ZFYVE1: variants seen among roughly 807,000 people sequenced by gnomAD.
ZFYVE1 encodes the protein zinc finger FYVE domain-containing protein 1.
Under a neutral mutation model 74.4 loss-of-function variants are expected in ZFYVE1, and 30 were observed. The observed-to-expected ratio is 0.40, with a 90% CI of 0.30 to 0.55. The LOEUF is 0.55. Among genes scored for constraint, ZFYVE1 ranks in the 20% least tolerant of loss-of-function variants. The pLI is 0.42. For synonymous variants in ZFYVE1, 335 were observed against 385.1 expected, an observed-to-expected ratio of 0.87 and a Z score of 1.52; for missense variants, 703 against 1,011.6, an observed-to-expected ratio of 0.69 and a Z score of 4.14.
At chr14:72,992,265 C>T (rs977612742) in intron 4 of ZFYVE1, among the ~76,000 whole-genome samples, 4 of 152,100 alleles carry the variant, frequency 2.6e-5, no homozygotes, top group South Asian at 2.1e-4. Context: ...ACCTTCCATG[C>T]GTAATAGTCT....
intron 2 of ZFYVE1, among the ~76,000 whole-genome samples, chr14:73,019,267 G>C (rs1393377503): frequency 1.3e-5 from 2 of 152,108 alleles, no homozygotes; most frequent in African/African-American, 2.4e-5. Context: ...AAGGGTTACA[G>C]CCTACAGGTG....
chr14:72,978,750 G>C (rs1405708499), intron 6 of ZFYVE1, 111 bp downstream of exon 6: 1 of 835,448 alleles, frequency 1.2e-6, no homozygotes, highest in Non-Finnish European at 2.0e-6. Context: ...TATTCAATTT[G>C]AATATCAAAT....
chr14:73,019,333 C>T (rs148360891), intron 2 of ZFYVE1, among the ~76,000 whole-genome samples: 20 of 152,100 alleles, frequency 1.3e-4, no homozygotes, highest in African/African-American at 4.3e-4. Context: ...GTAGTCTCAG[C>T]TACTTGGGAG....
At chr14:72,988,214 A>T (rs1006876650) in intron 4 of ZFYVE1, among the ~76,000 whole-genome samples, 15 of 144,646 alleles carry the variant, frequency 1.0e-4, no homozygotes, top group African/African-American at 3.4e-4. Context: ...TTGCTCTGTC[A>T]CCCAGGCTAG....
chr14:72,992,528 A>G (rs1446128256), intron 4 of ZFYVE1, among the ~76,000 whole-genome samples: 1 of 151,710 alleles, frequency 6.6e-6, no homozygotes, highest in Non-Finnish European at 1.5e-5. Context: ...GAACTTTGGT[A>G]TATAACAAAT....
At chr14:73,000,519 G>A (rs565063817) in intron 2 of ZFYVE1, among the ~76,000 whole-genome samples, 25 of 151,746 alleles carry the variant, frequency 1.6e-4, no homozygotes, top group Non-Finnish European at 3.1e-4. Flanking sequence ...CAAGAGGATC[G>A]TTTGAGCTCA....
At chr14:72,988,228 G>A (rs1567351213) in intron 4 of ZFYVE1, among the ~76,000 whole-genome samples, 1 of 147,804 alleles carries the variant, frequency 6.8e-6, no homozygotes, top group East Asian at 2.0e-4. Flanking sequence ...AGGCTAGAGT[G>A]TAGTGGCACA....
intron 2 of ZFYVE1, among the ~76,000 whole-genome samples, chr14:73,023,499 T>C (rs1894390118): frequency 6.8e-6 from 1 of 147,334 alleles, no homozygotes; most frequent in South Asian, 2.1e-4. Flanking sequence ...GGAAAGAATA[T>C]TGTCCTTATT....
intron 2 of ZFYVE1, among the ~76,000 whole-genome samples, chr14:73,023,489 G>A (rs1455867175): frequency 1.4e-5 from 2 of 142,604 alleles, no homozygotes; most frequent in Admixed American, 7.3e-5. Context: ...GAGACCATCT[G>A]GAAAGAATAT....
At position 73,024,646 on chromosome 14, in the gene ZFYVE1, T is replaced by C. The variant is rs1363188795; in HGVS notation, c.-138A>G. The C allele has an allele frequency of 8.0e-7, 1 of 1,250,102 alleles. No homozygotes were observed. The highest frequency in any genetic ancestry group is 3.0e-5 in the Admixed American group (1 of 33,266). 77.4% of individuals were successfully genotyped at this position (1,250,102 alleles called of 1,614,324 possible). ...ACACTTTAAAAAAGAACACCTTTCA[T>C]GTCCTGTTATAGTTCTTCACAAACA... On this transcript the variant is annotated 5_prime_UTR_variant, in exon 2 of 12. The change abolishes an upstream ATG in the 5' untranslated region. Coordinates refer to ENST00000556143, the MANE Select transcript of ZFYVE1 (RefSeq NM_021260.4).
At chr14:73,002,741 CTTTTTTTTT>C (rs532732428) in intron 2 of ZFYVE1, among the ~76,000 whole-genome samples, 1 of 127,500 alleles carries the variant, frequency 7.8e-6, no homozygotes, top group Non-Finnish European at 1.6e-5. Flanking sequence ...GTTGCTTTTT[CTTTTTTTTT>C]TTTTTTTCTG....
chr14:72,972,833 T>A (rs1893069711), intron 11 of ZFYVE1, among the ~76,000 whole-genome samples: 1 of 151,256 alleles, frequency 6.6e-6, no homozygotes, highest in Non-Finnish European at 1.5e-5. Flanking sequence ...TCAGCCTCCC[T>A]AGTAGCTGGG....
intron 8 of ZFYVE1, among the ~76,000 whole-genome samples, chr14:72,977,401 G>C (rs185508065): frequency 6.6e-6 from 1 of 151,820 alleles, no homozygotes; most frequent in Non-Finnish European, 1.5e-5. Flanking sequence ...GGGAACAAGA[G>C]CGAAACTCCG....
Position 72,993,138 on chromosome 14 carries a change from C to A in ZFYVE1, c.1203+5G>T. ...GAGAAGCCCTTGGGGCACAAGCCAA[C>A]TGACCTTCAGGGCTTTGAAGATGAC... On this transcript the variant is annotated splice_donor_5th_base_variant and intron_variant, in intron 4 of 11. Coordinates refer to ENST00000556143, the MANE Select transcript of ZFYVE1 (RefSeq NM_021260.4). 6.3e-7 allele frequency: 1 copy of A among 1,592,436 alleles called. No individual in the cohort carries two copies. Among genetic ancestry groups the A allele is most frequent in the Non-Finnish European group, 8.6e-7 (1 of 1,166,918 alleles).
rs754862739 is a variant in ZFYVE1 at position 72,981,706 on chromosome 14, TCCA to T, written c.1310+80_1310+82del. 13 of 1,299,938 alleles carry T rather than the reference TCCA, an allele frequency of 1.0e-5. No homozygotes were observed. The Middle Eastern group carries it at 1.5e-3, about 150-fold the overall frequency. The allele number at this position is 1,299,938 out of a possible 1,614,324, so 80.5% of individuals were successfully genotyped here. A position where few individuals can be genotyped will look rare whatever the true frequency, so the allele number is the denominator to read the frequency against. On this transcript the variant is annotated intron_variant, in intron 5 of 11. Coordinates refer to ENST00000556143, the MANE Select transcript of ZFYVE1 (RefSeq NM_021260.4). ...TTAGCAAGATCCCAGGGGATCTGCA[TCCA>T]CACCAAAGTCTAGGAAGCACCACTC...
intron 5 of ZFYVE1, among the ~76,000 whole-genome samples, chr14:72,980,905 A>G (rs1186939466): frequency 6.6e-6 from 1 of 152,158 alleles, no homozygotes; most frequent in Non-Finnish European, 1.5e-5. Context: ...CCTATCTCAG[A>G]CCTACTGAAT....
intron 4 of ZFYVE1, among the ~76,000 whole-genome samples, chr14:72,983,668 G>T (rs1287724894): frequency 6.6e-6 from 1 of 152,118 alleles, no homozygotes; most frequent in African/African-American, 2.4e-5. Flanking sequence ...ACATACGTGT[G>T]CATGTGTCTT....
chr14:73,008,182 G>A (rs558571651), intron 2 of ZFYVE1, among the ~76,000 whole-genome samples: 57 of 148,448 alleles, frequency 3.8e-4, no homozygotes, highest in Middle Eastern at 3.4e-3. Context: ...TGTGTGAGAC[G>A]GAGTTTCACT....
intron 2 of ZFYVE1, among the ~76,000 whole-genome samples, chr14:73,018,033 T>C (rs985661943): frequency 2.0e-5 from 3 of 152,240 alleles, no homozygotes; most frequent in Non-Finnish European, 2.9e-5. Context: ...ACTGGCATTC[T>C]TTCTAGCCTC....
Sources: allele counts gnomAD v4.1 joint callset (sites outside exome capture counted in the v4.1 genomes callset), GRCh38; gene constraint gnomAD v4.1.1; transcripts MANE v1.5; gene names NCBI Gene and HGNC (gene_info 2026-07-23, HGNC 2026-07-21).